The following GPC6 variants were observed in gnomAD, a reference collection of about 807,000 sequenced individuals.
GPC6 encodes glypican-6.
In GPC6, 14 loss-of-function variants were observed where a neutral mutation model predicts 55.2. The observed-to-expected ratio is 0.25, with a 90% confidence interval of 0.17 to 0.40. GPC6 has a LOEUF of 0.40. Ranked by LOEUF, GPC6 falls within the 10% of genes least tolerant of loss-of-function variation. The pLI is 1.00. For missense variants in GPC6, 641 were observed against 708.5 expected (o/e 0.90, Z 1.08); for synonymous variants, 278 against 259.6 (o/e 1.07, Z -0.68).
At chr13:93,725,495 A>C (rs1474970236) in intron 2 of GPC6, among the ~76,000 whole-genome samples, 1 of 152,076 alleles carries the variant, frequency 6.6e-6, no homozygotes, top group African/African-American at 2.4e-5. Context: ...CTAGTTATTT[A>C]GATTATAGAG....
At chr13:94,048,334 TTAAGAAA>T (rs1883804106) in intron 4 of GPC6, among the ~76,000 whole-genome samples, 1 of 152,018 alleles carries the variant, frequency 6.6e-6, no homozygotes, top group South Asian at 2.1e-4. Flanking sequence ...TAGCAGTTGA[TTAAGAAA>T]TGGCATTGAT....
chr13:93,789,960 G>A (rs1594459326), intron 2 of GPC6, among the ~76,000 whole-genome samples: 1 of 151,926 alleles, frequency 6.6e-6, no homozygotes, highest in South Asian at 2.1e-4. Flanking sequence ...GCATTTTAAG[G>A]AATTTAAAAA....
At chr13:93,804,931 C>G (rs1033361421) in intron 2 of GPC6, among the ~76,000 whole-genome samples, 17 of 152,088 alleles carry the variant, frequency 1.1e-4, no homozygotes, top group African/African-American at 2.4e-4. Context: ...TTATGAAGAC[C>G]AAAGAACATA....
intron 4 of GPC6, among the ~76,000 whole-genome samples, chr13:94,042,718 T>C (rs986736740): frequency 6.6e-6 from 1 of 151,930 alleles, no homozygotes; most frequent in Admixed American, 6.6e-5. Context: ...TTAGGGAAAG[T>C]ATTTGAAGTC....
At chr13:93,426,590 G>T (rs1365257093) in intron 1 of GPC6, among the ~76,000 whole-genome samples, 2 of 151,938 alleles carry the variant, frequency 1.3e-5, no homozygotes, top group African/African-American at 4.8e-5. Context: ...TGGCTGCATA[G>T]TATTCCATGG....
At chr13:93,856,543 C>G (rs1888616992) in intron 3 of GPC6, among the ~76,000 whole-genome samples, 1 of 151,588 alleles carries the variant, frequency 6.6e-6, no homozygotes, top group African/African-American at 2.4e-5. Context: ...GCACAGTTTA[C>G]TCCAAAGAGT....
chr13:94,229,412 A>G (rs963777069), intron 4 of GPC6, among the ~76,000 whole-genome samples: 10 of 152,174 alleles, frequency 6.6e-5, no homozygotes, highest in African/African-American at 2.2e-4. Context: ...GTTTGTTTCA[A>G]TTTTGGCATC....
In GPC6 at chr13:93,552,999, A is replaced by AT. The variant is rs535317801; in HGVS notation, c.319+7583dup. On this transcript the variant is annotated intron_variant, in intron 2 of 8. Transcript: ENST00000377047. Reference sequence around the variant, plus strand: ...ATGTAAATTACAGCTCCCTGGAAACATTTTTGTCTTCTGACTGGAGAACAC... The same window carrying AT: ...ATGTAAATTACAGCTCCCTGGAAACATTTTTTGTCTTCTGACTGGAGAACAC... Among the ~76,000 whole-genome samples, 184 of 152,288 alleles carry AT rather than the reference A, an allele frequency of 1.2e-3. 1 individual carries two copies. Among genetic ancestry groups the AT allele is most frequent in the Middle Eastern group, 6.8e-3 (2 of 294 alleles).
At chr13:93,406,127 G>A (rs768124178) in intron 1 of GPC6, among the ~76,000 whole-genome samples, 2 of 152,132 alleles carry the variant, frequency 1.3e-5, no homozygotes, top group African/African-American at 4.8e-5. Flanking sequence ...TCAATGTTTG[G>A]TGAAGTAGAC....
intron 4 of GPC6, among the ~76,000 whole-genome samples, chr13:94,058,185 A>G (rs1021604945): frequency 6.6e-5 from 10 of 152,222 alleles, no homozygotes; most frequent in African/African-American, 2.2e-4. Context: ...AATCAGCAAT[A>G]GTACTCAATT....
chr13:93,623,178 G>A (rs945558063), intron 2 of GPC6, among the ~76,000 whole-genome samples: 1 of 151,824 alleles, frequency 6.6e-6, no homozygotes, highest in Non-Finnish European at 1.5e-5. Flanking sequence ...TACTTCAGTT[G>A]ACCCTATATC....
intron 4 of GPC6, among the ~76,000 whole-genome samples, chr13:94,037,362 G>A (rs1245819474): frequency 2.0e-5 from 3 of 151,702 alleles, no homozygotes; most frequent in African/African-American, 7.3e-5. Context: ...AGTTTGTCCC[G>A]GAGAAAATGT....
chr13:93,728,620 G>A (rs1883723848), intron 2 of GPC6, among the ~76,000 whole-genome samples: 1 of 151,646 alleles, frequency 6.6e-6, no homozygotes. Flanking sequence ...AGGCTGGAGT[G>A]CAGTGGTACA....
intron 4 of GPC6, among the ~76,000 whole-genome samples, chr13:94,116,194 C>A (rs1886423037): frequency 6.6e-6 from 1 of 151,998 alleles, no homozygotes; most frequent in Non-Finnish European, 1.5e-5. Flanking sequence ...TTCCTGGATG[C>A]TGGGAACTTC....
chr13:94,393,638 C>T (rs1476568881), intron 7 of GPC6, among the ~76,000 whole-genome samples: 3 of 152,032 alleles, frequency 2.0e-5, no homozygotes, highest in South Asian at 2.1e-4. Context: ...AAGCCCAGAC[C>T]GGCACCCAAG....
intron 1 of GPC6, among the ~76,000 whole-genome samples, chr13:93,441,315 T>C (rs977060943): frequency 6.6e-6 from 1 of 152,294 alleles, no homozygotes; most frequent in Middle Eastern, 3.4e-3. Flanking sequence ...CCACCAACAG[T>C]GTAGAAGTGT....
chr13:93,865,016 A>G (rs1263138895), intron 3 of GPC6, among the ~76,000 whole-genome samples: 1 of 151,748 alleles, frequency 6.6e-6, no homozygotes, highest in Non-Finnish European at 1.5e-5. Context: ...TATACTAAAA[A>G]GAGCTTAGGA....
rs1882253029 is a variant in GPC6 at position 93,691,448 on chromosome 13, G to T, written c.320-138706G>T. The stretch of plus-strand genomic sequence containing the variant: ...TCTGTATTTATGAAAGGAAAATTTG[G>T]CTTCTTCTGTAGGATTAAAGGCTTG... On this transcript the variant is annotated intron_variant, in intron 2 of 8. Coordinates refer to ENST00000377047, the MANE Select transcript of GPC6 (RefSeq NM_005708.5). 1.4e-5 allele frequency among the ~76,000 whole-genome samples: 2 copies of T among 146,822 alleles called. 1 individual carries two copies. Among genetic ancestry groups the T allele is most frequent in the South Asian group, 4.3e-4 (2 of 4,694 alleles).
At chr13:94,156,065 A>G (rs980900330) in intron 4 of GPC6, among the ~76,000 whole-genome samples, 2 of 152,190 alleles carry the variant, frequency 1.3e-5, no homozygotes, top group African/African-American at 4.8e-5. Context: ...AGCCAAGATG[A>G]TCCAACATCA....
Sources: gnomAD v4.1 joint callset for allele counts (sites outside exome capture counted in the v4.1 genomes callset) on GRCh38, gnomAD v4.1.1 for gene constraint, MANE v1.5 for transcripts, NCBI Gene and HGNC (gene_info 2026-07-23, HGNC 2026-07-21) for gene names.